The following CDH4 variants were observed in gnomAD, a reference collection of about 807,000 sequenced individuals.
CDH4 encodes cadherin-4.
CDH4 carries 33 observed loss-of-function variants against 86.0 expected under a neutral mutation model. The observed-to-expected ratio is 0.38, with a 90% confidence interval of 0.29 to 0.51. CDH4 has a LOEUF of 0.51. Ranked by LOEUF, CDH4 falls within the 20% of genes least tolerant of loss-of-function variation. CDH4 has a pLI of 0.86. For missense variants in CDH4, 1,114 were observed against 1,307.4 expected (o/e 0.85, Z 2.28); for synonymous variants, 555 against 549.4 (o/e 1.01, Z -0.14).
chr20:61,883,417 C>T (rs143289663), intron 7 of CDH4, among the ~76,000 whole-genome samples: 7 of 152,314 alleles, frequency 4.6e-5, no homozygotes, highest in South Asian at 4.1e-4. Flanking sequence ...TGTCACAGCT[C>T]GGTGGGGGGC....
chr20:61,292,719 C>T (rs1371916413), intron 2 of CDH4, among the ~76,000 whole-genome samples: 3 of 152,266 alleles, frequency 2.0e-5, no homozygotes, highest in Non-Finnish European at 1.5e-5. Context: ...GAGATTTCTT[C>T]CTAACAGGTC....
chr20:61,279,928 T>C (rs2084249857), intron 2 of CDH4, among the ~76,000 whole-genome samples: 1 of 152,180 alleles, frequency 6.6e-6, no homozygotes, highest in Non-Finnish European at 1.5e-5. Flanking sequence ...AGGGGACATC[T>C]TCACCAGGGC....
At chr20:61,580,115 A>C (rs1292955404) in intron 2 of CDH4, among the ~76,000 whole-genome samples, 3 of 142,700 alleles carry the variant, frequency 2.1e-5, no homozygotes, top group East Asian at 3.9e-4. Context: ...GGACTCTTAC[A>C]CTGCTACAAA....
At chr20:61,661,657 G>A (rs1392037742) in intron 2 of CDH4, among the ~76,000 whole-genome samples, 6 of 152,006 alleles carry the variant, frequency 3.9e-5, no homozygotes, top group Admixed American at 6.6e-5. Context: ...TGGATCCTTC[G>A]TGTTTGTCAC....
At chr20:61,575,443 G>T (rs2086375525) in intron 2 of CDH4, among the ~76,000 whole-genome samples, 1 of 152,210 alleles carries the variant, frequency 6.6e-6, no homozygotes, top group Non-Finnish European at 1.5e-5. Flanking sequence ...ACAAATATTT[G>T]TTGGGTAGTC....
At chr20:61,523,823 C>T (rs540826123) in intron 2 of CDH4, among the ~76,000 whole-genome samples, 28 of 152,344 alleles carry the variant, frequency 1.8e-4, no homozygotes, top group African/African-American at 6.5e-4. Flanking sequence ...CTACCCTCTC[C>T]AGGTGGAGTT....
intron 2 of CDH4, among the ~76,000 whole-genome samples, chr20:61,326,062 A>T (rs1447749173): frequency 2.0e-5 from 3 of 152,204 alleles, no homozygotes; most frequent in Non-Finnish European, 4.4e-5. Context: ...CTGTAACTAC[A>T]TTTTCCCTTC....
intron 2 of CDH4, among the ~76,000 whole-genome samples, chr20:61,293,051 T>A (rs965171261): frequency 1.3e-5 from 2 of 152,160 alleles, no homozygotes; most frequent in Non-Finnish European, 2.9e-5. Flanking sequence ...TCCCCGAGGC[T>A]CAGGGCTCCC....
At chr20:61,513,883 G>A (rs1404907796) in intron 2 of CDH4, among the ~76,000 whole-genome samples, 3 of 152,100 alleles carry the variant, frequency 2.0e-5, no homozygotes, top group Non-Finnish European at 2.9e-5. Flanking sequence ...AACCCATCTG[G>A]GGTCCACTTG....
chr20:61,393,353 G>A lies in CDH4; in HGVS notation c.169+138416G>A, dbSNP rs1037423429. On this transcript the variant is annotated intron_variant, in intron 2 of 15. Coordinates refer to ENST00000614565, the MANE Select transcript of CDH4 (RefSeq NM_001794.5). The surrounding 1 kb of genome is among the most constrained non-coding windows in gnomAD (Gnocchi z 4.3). ...TGGGGGACAGCAGCCGGGGGGGGCCGGGGTCTTCCTTACCTCCTAGCTTGT... is the reference window on the plus strand; with the variant it reads ...TGGGGGACAGCAGCCGGGGGGGGCCAGGGTCTTCCTTACCTCCTAGCTTGT... Among the ~76,000 whole-genome samples, 3 of 151,688 alleles carry A rather than the reference G, an allele frequency of 2.0e-5. No individual in the cohort carries two copies. The highest frequency in any genetic ancestry group is 1.3e-4 in the Admixed American group (2 of 15,198).
rs570103491 is a variant in CDH4 at position 61,593,999 on chromosome 20, CAGATT to C, written c.170-149563_170-149559del. Among the ~76,000 whole-genome samples the C allele has an allele frequency of 9.4e-3, 1,235 of 130,992 alleles. 18 individuals carry two copies. Among genetic ancestry groups the C allele is most frequent in the African/African-American group, 0.021 (698 of 33,690 alleles). The allele number at this position is 130,992 out of a possible 152,430, so 85.9% of individuals were successfully genotyped here. A position where few individuals can be genotyped will look rare whatever the true frequency, so the allele number is the denominator to read the frequency against. ...AAATGCTGTGACGCATGAGGAAATA[CAGATT>C]CAGAGGTGGGAGAGAGGGAGGAGGG... On this transcript the variant is annotated intron_variant, in intron 2 of 15. Transcript: ENST00000614565.
intron 2 of CDH4, among the ~76,000 whole-genome samples, chr20:61,362,730 G>A (rs1413361946): frequency 4.6e-5 from 7 of 152,100 alleles, no homozygotes; most frequent in Admixed American, 4.6e-4. Context: ...GATGGGGTGG[G>A]GGGCACTCCC....
intron 7 of CDH4, among the ~76,000 whole-genome samples, chr20:61,876,675 C>T (rs904319015): frequency 6.6e-6 from 1 of 152,168 alleles, no homozygotes; most frequent in African/African-American, 2.4e-5. Context: ...CATAGGCCAC[C>T]TGCTCTGGCC....
chr20:61,604,180 A>T (rs547807942), intron 2 of CDH4, among the ~76,000 whole-genome samples: 27 of 152,368 alleles, frequency 1.8e-4, no homozygotes, highest in Non-Finnish European at 2.9e-4. Context: ...TCCAAAGCTA[A>T]GAATACAATA....
At chr20:61,653,567 G>GA (rs1323143362) in intron 2 of CDH4, among the ~76,000 whole-genome samples, 9 of 133,358 alleles carry the variant, frequency 6.7e-5, no homozygotes, top group Non-Finnish European at 1.2e-4. Flanking sequence ...GGCGGGGGCT[G>GA]ACCCCCACCT....
In CDH4 at chr20:61,254,908, A is replaced by G; in HGVS notation, c.140A>G (p.Asn47Ser). 6.2e-7 allele frequency: 1 copy of G among 1,611,476 alleles called. No individual in the cohort carries two copies. The highest frequency in any genetic ancestry group is 1.1e-5 in the South Asian group (1 of 91,014). Residue 47 changes from asparagine (N) to serine (S), a missense_variant, in exon 2 of 16, where the codon AAT (asparagine) becomes AGT (serine). Asn to Ser is a conservative substitution (Grantham distance 46). Transcript: ENST00000614565. The part of the protein sequence containing the change: ...EDDYTALISQ[N>S]ILEGEKLLQV... ...GATTACACGGCATTAATCTCCCAAA[A>G]TATTCTAGAAGGGGAAAAGCTACTT... is the stretch of plus-strand genomic sequence containing the variant.
chr20:61,550,193 C>CAACCTCA (rs2086118614), intron 2 of CDH4, among the ~76,000 whole-genome samples: 1 of 137,152 alleles, frequency 7.3e-6, no homozygotes, highest in South Asian at 2.2e-4. Flanking sequence ...AGCCTGCTTC[C>CAACCTCA]CTGGCCTCCC....
At chr20:61,818,670 C>A (rs1158680066) in intron 4 of CDH4, among the ~76,000 whole-genome samples, 1 of 143,810 alleles carries the variant, frequency 7.0e-6, no homozygotes, top group African/African-American at 2.5e-5. Flanking sequence ...AGAACGAAGT[C>A]TCTTAAAAAA....
At chr20:61,614,925 C>G (rs910385895) in intron 2 of CDH4, among the ~76,000 whole-genome samples, 1 of 152,118 alleles carries the variant, frequency 6.6e-6, no homozygotes, top group Admixed American at 6.5e-5. Flanking sequence ...CCCAGCACTG[C>G]GAGAGCTGCT....
Sources: allele counts gnomAD v4.1 joint callset (sites outside exome capture counted in the v4.1 genomes callset), GRCh38; gene constraint gnomAD v4.1.1; non-coding constraint Gnocchi (gnomAD v3.1); transcripts MANE v1.5; gene names NCBI Gene and HGNC (gene_info 2026-07-23, HGNC 2026-07-21).